Variants in GRIP1 observed in about 807,000 individuals in gnomAD.
The protein encoded by GRIP1 is glutamate receptor-interacting protein 1.
GRIP1 carries 45 observed loss-of-function variants against 129.9 expected under a neutral mutation model. The observed-to-expected ratio is 0.35, with a 90% CI of 0.27 to 0.44. The LOEUF is 0.44. Among genes scored for constraint, GRIP1 ranks in the 20% least tolerant of loss-of-function variants. The probability of loss-of-function intolerance (pLI) is 1.00; values close to 1 mark genes in which losing one functional copy is unlikely to be tolerated. For synonymous variants in GRIP1, 530 were observed against 520.8 expected (o/e 1.02, Z -0.24); for missense variants, 1,196 against 1,396.8 (o/e 0.86, Z 2.29).
intron 1 of GRIP1, among the ~76,000 whole-genome samples, chr12:66,699,538 T>C (rs2035279113): frequency 6.6e-6 from 1 of 152,166 alleles, no homozygotes; most frequent in South Asian, 2.1e-4. Flanking sequence ...TGCCACCATG[T>C]AAGACATGAC....
At chr12:66,695,048 T>G (rs1466033127) in intron 1 of GRIP1, among the ~76,000 whole-genome samples, 1 of 152,228 alleles carries the variant, frequency 6.6e-6, no homozygotes, top group East Asian at 1.9e-4. Flanking sequence ...GAAAGCTTTT[T>G]ATTCCCACTT....
intron 1 of GRIP1, among the ~76,000 whole-genome samples, chr12:66,607,070 C>A (rs1455569311): frequency 2.6e-5 from 4 of 152,098 alleles, no homozygotes; most frequent in African/African-American, 9.7e-5. Context: ...AAGAAAGGCA[C>A]TCCTTCACAT....
At chr12:66,779,901 T>A (rs1050689861) in intron 1 of GRIP1, among the ~76,000 whole-genome samples, 1 of 152,196 alleles carries the variant, frequency 6.6e-6, no homozygotes, top group African/African-American at 2.4e-5. Flanking sequence ...TAAGAAGTGG[T>A]CAGCCACATG....
At chr12:66,826,873 T>C (rs989605932) in intron 1 of GRIP1, among the ~76,000 whole-genome samples, 1 of 152,082 alleles carries the variant, frequency 6.6e-6, no homozygotes, top group Non-Finnish European at 1.5e-5. Flanking sequence ...ACTAGGTATA[T>C]TCTGTATGTA....
chr12:66,571,678 C>T (rs2062964566), intron 2 of GRIP1, among the ~76,000 whole-genome samples: 1 of 152,094 alleles, frequency 6.6e-6, no homozygotes, highest in Non-Finnish European at 1.5e-5. Flanking sequence ...GCTTCCCTTT[C>T]CTAGGTGAAA....
chr12:66,811,909 T>C (rs1039377326), intron 1 of GRIP1, among the ~76,000 whole-genome samples: 7 of 152,152 alleles, frequency 4.6e-5, no homozygotes, highest in Admixed American at 6.5e-5. Flanking sequence ...ATTTCTCTTC[T>C]TTTCCGTCTC....
At chr12:66,897,528 C>T (rs2137255730) in intron 1 of GRIP1, among the ~76,000 whole-genome samples, 1 of 152,300 alleles carries the variant, frequency 6.6e-6, no homozygotes, top group Middle Eastern at 3.4e-3. Context: ...AGGCAATCAG[C>T]CGCTTCAGAA....
At chr12:66,379,697 T>C (rs2056010630) in intron 19 of GRIP1, among the ~76,000 whole-genome samples, 1 of 152,174 alleles carries the variant, frequency 6.6e-6, no homozygotes, top group Non-Finnish European at 1.5e-5. Context: ...CTTAGAACAG[T>C]GGTTTCAAGT....
intron 1 of GRIP1, among the ~76,000 whole-genome samples, chr12:66,957,748 T>C (rs1243260334): frequency 6.6e-6 from 1 of 152,174 alleles, no homozygotes; most frequent in African/African-American, 2.4e-5. Context: ...ACTGTTGATA[T>C]TGACCTTGAT....
At chr12:67,033,005 G>A (rs1200445548) in intron 1 of GRIP1, among the ~76,000 whole-genome samples, 1 of 151,860 alleles carries the variant, frequency 6.6e-6, no homozygotes, top group Non-Finnish European at 1.5e-5. Context: ...TATATGTACA[G>A]CACATGTCAG....
intron 1 of GRIP1, among the ~76,000 whole-genome samples, chr12:66,859,773 C>CT (rs1227657910): frequency 3.3e-5 from 5 of 152,046 alleles, no homozygotes. Flanking sequence ...TGCTGCAGGG[C>CT]TGTGTTATTC....
At chr12:66,987,515 G>A (rs1237005919) in intron 1 of GRIP1, among the ~76,000 whole-genome samples, 1 of 152,176 alleles carries the variant, frequency 6.6e-6, no homozygotes, top group Non-Finnish European at 1.5e-5. Context: ...GAACAAGAGT[G>A]CAGAGTAGTG....
At chr12:66,653,208 A>G (rs1199460684) in intron 1 of GRIP1, among the ~76,000 whole-genome samples, 1 of 152,208 alleles carries the variant, frequency 6.6e-6, no homozygotes, top group Non-Finnish European at 1.5e-5. Context: ...TTAAAATAAA[A>G]AAAAACCTCT....
intron 2 of GRIP1, among the ~76,000 whole-genome samples, chr12:66,585,232 C>T (rs981554987): frequency 1.1e-4 from 16 of 139,628 alleles, no homozygotes; most frequent in Non-Finnish European, 2.3e-4. Context: ...AGGTATATCT[C>T]CCAATGCTAT....
intron 7 of GRIP1, among the ~76,000 whole-genome samples, chr12:66,501,068 G>A (rs886912962): frequency 6.6e-6 from 1 of 152,174 alleles, no homozygotes; most frequent in Non-Finnish European, 1.5e-5. Flanking sequence ...AGAGCCAGGA[G>A]ACAGGGGACT....
chr12:66,805,725 G>A (rs149499759), upstream of GRIP1, among the ~76,000 whole-genome samples: 882 of 152,196 alleles, frequency 5.8e-3, 18 homozygotes, highest in South Asian at 0.07. Context: ...TGATAATGAT[G>A]GAGCAGGGAG....
chr12:66,916,059 G>A (rs550309018), intron 1 of GRIP1, among the ~76,000 whole-genome samples: 20 of 152,318 alleles, frequency 1.3e-4, no homozygotes, highest in African/African-American at 4.3e-4. Context: ...GTGCATGCAC[G>A]CATGTGTGGG....
intron 1 of GRIP1, among the ~76,000 whole-genome samples, chr12:66,644,763 A>G (rs1317736390): frequency 2.0e-5 from 3 of 152,206 alleles, no homozygotes; most frequent in African/African-American, 7.2e-5. Flanking sequence ...CTGTTTTTGC[A>G]ATTATGAAAG....
chr12:67,006,431 G>T (rs1264335909), intron 1 of GRIP1, among the ~76,000 whole-genome samples: 2 of 152,018 alleles, frequency 1.3e-5, no homozygotes, highest in Non-Finnish European at 2.9e-5. Flanking sequence ...TGGGTGTGGT[G>T]GTGCACATCT....
Sources: allele counts gnomAD v4.1 joint callset (sites outside exome capture counted in the v4.1 genomes callset), GRCh38; gene constraint gnomAD v4.1.1; transcripts MANE v1.5; gene names NCBI Gene and HGNC (gene_info 2026-07-23, HGNC 2026-07-21).